The following SLC5A8 variants were observed in gnomAD, a reference collection of about 807,000 sequenced individuals.
The protein encoded by SLC5A8 is sodium-coupled monocarboxylate transporter 1.
In SLC5A8, 55 loss-of-function variants were observed where a neutral mutation model predicts 71.9. That is an observed-to-expected ratio of 0.77 (90% CI 0.62 to 0.96). The LOEUF (loss-of-function observed/expected upper bound fraction) is 0.96, where lower values mean the gene tolerates loss of function less well. Ranked by LOEUF, SLC5A8 falls within the 40% of genes least tolerant of loss-of-function variation. SLC5A8 has a pLI of 0.00. For synonymous variants in SLC5A8, 307 were observed against 276.1 expected (o/e 1.11, Z -1.11); for missense variants, 701 against 745.3 (o/e 0.94, Z 0.69).
intron 12 of SLC5A8, among the ~76,000 whole-genome samples, chr12:101,164,539 G>A (rs1468936144): frequency 6.6e-6 from 1 of 152,162 alleles, no homozygotes; most frequent in Admixed American, 6.6e-5. Flanking sequence ...TTGTGCTCCA[G>A]CCCTATGGAA....
intron 10 of SLC5A8, among the ~76,000 whole-genome samples, chr12:101,174,406 G>A (rs1025133513): frequency 6.6e-6 from 1 of 152,160 alleles, no homozygotes; most frequent in African/African-American, 2.4e-5. Flanking sequence ...TACAGTCAGG[G>A]GGTCAGATCA....
intron 10 of SLC5A8, 111 bp downstream of exon 10, chr12:101,179,918 G>T (rs567266981): frequency 1.8e-6 from 2 of 1,087,416 alleles, no homozygotes; most frequent in East Asian, 2.4e-5. Flanking sequence ...CCTGCCACTT[G>T]ATATGTCCAG....
intron 1 of SLC5A8, among the ~76,000 whole-genome samples, chr12:101,208,915 T>A (rs1869790004): frequency 6.6e-6 from 1 of 152,136 alleles, no homozygotes; most frequent in African/African-American, 2.4e-5. Flanking sequence ...GTTGGGTAAG[T>A]CACCCAAGGT....
intron 2 of SLC5A8, 50 bp from the exon 3 acceptor site, chr12:101,202,265 T>A: frequency 6.9e-7 from 1 of 1,445,286 alleles, no homozygotes; most frequent in Middle Eastern, 1.8e-4. Flanking sequence ...ATAAAATTCA[T>A]GAATTACGTC....
intron 8 of SLC5A8, 118 bp from the exon 9 acceptor site, chr12:101,183,033 T>C (rs1410094914): frequency 1.7e-5 from 6 of 362,646 alleles, no homozygotes; most frequent in African/African-American, 9.7e-5. Context: ...ATTTCTACTA[T>C]GCTTTTTTTT....
chr12:101,195,025 C>T lies in SLC5A8; in HGVS notation c.537+70G>A, dbSNP rs535158046. The T allele has an allele frequency of 2.4e-5, 36 of 1,507,824 alleles. 2 individuals are homozygous for T. The African/African-American group carries it at 4.5e-4, about 19-fold the overall frequency. 93.4% of individuals were successfully genotyped at this position (1,507,824 alleles called of 1,614,324 possible). On this transcript the variant is annotated intron_variant, in intron 4 of 14. Coordinates refer to ENST00000536262, the MANE Select transcript of SLC5A8 (RefSeq NM_145913.5). ...TGTGGACAAACAAGATTGCGGTATA[C>T]AACAACTGGAATTTTCAATTTTGCA... is the stretch of plus-strand genomic sequence containing the variant.
rs759511677 is a variant in SLC5A8, at chr12:101,193,785, A to G, written c.538-6T>C. Reference sequence around the variant, plus strand: ...ATAACTGCTTTAAGACCACCCTTTGAGGGGAAAGTATATTAGGATTAATGC... The same window carrying G: ...ATAACTGCTTTAAGACCACCCTTTGGGGGGAAAGTATATTAGGATTAATGC... On this transcript the variant is annotated splice_polypyrimidine_tract_variant and splice_region_variant and intron_variant, in intron 4 of 14. Transcript: ENST00000536262. 5 of 1,613,726 alleles carry G rather than the reference A, an allele frequency of 3.1e-6. No individual in the cohort carries two copies. In the Admixed American group the frequency reaches 8.3e-5, roughly 27 times the overall value.
intron 13 of SLC5A8, among the ~76,000 whole-genome samples, chr12:101,160,186 G>GCAA (rs368398941): frequency 9.9e-5 from 15 of 151,824 alleles, no homozygotes; most frequent in Non-Finnish European, 1.8e-4. Context: ...CATCTCAACA[G>GCAA]CAACAACAAC....
At chr12:101,163,031 T>C (rs758379614) in intron 12 of SLC5A8, among the ~76,000 whole-genome samples, 13 of 152,036 alleles carry the variant, frequency 8.6e-5, no homozygotes, top group Non-Finnish European at 1.8e-4. Context: ...ATAAATGACA[T>C]TTGAACTGAG....
At position 101,183,766 on chromosome 12, in the gene SLC5A8, A is replaced by G. The variant is rs371119464; in HGVS notation, c.1052+368T>C. ...ATTCAACATGTAAATGGAAGATTTC[A>G]TTCTAATTTTCCAGTTGACCACGCT... On this transcript the variant is annotated intron_variant, in intron 8 of 14. Transcript: ENST00000536262. 7.2e-5 allele frequency among the ~76,000 whole-genome samples: 11 copies of G among 152,302 alleles called. No homozygotes were observed. In the East Asian group the frequency reaches 1.5e-3, roughly 21 times the overall value.
At chr12:101,176,892 C>G (rs751643581) in intron 10 of SLC5A8, among the ~76,000 whole-genome samples, 3 of 151,568 alleles carry the variant, frequency 2.0e-5, no homozygotes, top group Non-Finnish European at 4.4e-5. Context: ...AATTAAAACT[C>G]AAAGCAAGGA....
At position 101,210,087 on chromosome 12, in the gene SLC5A8, A is replaced by G. The variant is rs1869868506; in HGVS notation, c.-239T>C. 2.1e-6 allele frequency: 1 copy of G among 469,636 alleles called. No homozygotes were observed. Among genetic ancestry groups the G allele is most frequent in the East Asian group, 3.5e-5 (1 of 28,724 alleles). 29.1% of individuals were successfully genotyped at this position (469,636 alleles called of 1,614,324 possible). A position where few individuals can be genotyped will look rare whatever the true frequency, so the allele number is the denominator to read the frequency against. ...CTCAAACCCAGGTATGGGACCTCGGAAAATCGACCCGCTGCCCTGAGTGCT... is the reference window on the plus strand; with the variant it reads ...CTCAAACCCAGGTATGGGACCTCGGGAAATCGACCCGCTGCCCTGAGTGCT... On this transcript the variant is annotated 5_prime_UTR_variant, in exon 1 of 15. Coordinates refer to ENST00000536262, the MANE Select transcript of SLC5A8 (RefSeq NM_145913.5).
Position 101,172,595 on chromosome 12 carries a change from C to T in SLC5A8, c.1234-4413G>A, listed in dbSNP as rs142785525. On this transcript the variant is annotated intron_variant, in intron 10 of 14. Coordinates refer to ENST00000536262, the MANE Select transcript of SLC5A8 (RefSeq NM_145913.5). ...GCAGAGCCCAGTGTGAGACCTCTGG[C>T]TGCAAGGTCCTGTGTGGTGGGTAGG... Among the ~76,000 whole-genome samples, 41 of 152,186 alleles carry T rather than the reference C, an allele frequency of 2.7e-4. No individual in the cohort carries two copies. The East Asian group carries it at 7.8e-3, about 29-fold the overall frequency.
At chr12:101,193,932 T>C (rs144072437) in intron 4 of SLC5A8, among the ~76,000 whole-genome samples, 153 bp from the exon 5 acceptor site, 1 of 152,282 alleles carries the variant, frequency 6.6e-6, no homozygotes, top group Non-Finnish European at 1.5e-5. Context: ...AGAATCTTCA[T>C]ACAGAAGGAT....
chr12:101,178,264 T>C (rs2051899311), intron 10 of SLC5A8, among the ~76,000 whole-genome samples: 1 of 152,136 alleles, frequency 6.6e-6, no homozygotes, highest in African/African-American at 2.4e-5. Flanking sequence ...CTATCAATAT[T>C]TAAGCAAGAT....
chr12:101,209,774 C>T lies in SLC5A8; in HGVS notation c.75G>A (p.Ser25=), dbSNP rs143245688. 70 of 1,609,984 alleles carry T rather than the reference C, an allele frequency of 4.3e-5. No homozygotes were observed. Among genetic ancestry groups the T allele is most frequent in the Non-Finnish European group, 5.7e-5 (67 of 1,178,146 alleles). The change falls in exon 1 of 15, where the codon TCG becomes TCA. Residue 25 remains serine (S), a synonymous_variant. Transcript: ENST00000536262. ...YVVFAGMLVI[S]AAIGIYYAFA... ...AGGCGTAGTAGATGCCGATGGCGGCCGAGATGACCAGCATGCCCGCGAACA... is the reference window on the plus strand; with the variant it reads ...AGGCGTAGTAGATGCCGATGGCGGCTGAGATGACCAGCATGCCCGCGAACA...
intron 3 of SLC5A8, 31 bp from the exon 4 acceptor site, chr12:101,195,193 T>G: frequency 6.3e-7 from 1 of 1,598,804 alleles, no homozygotes; most frequent in African/African-American, 1.3e-5. Context: ...CATATATAAT[T>G]GTGAAATATG....
In SLC5A8 at chr12:101,179,959, G is replaced by A. The variant is rs566497853; in HGVS notation, c.1233+70C>T. On this transcript the variant is annotated intron_variant, in intron 10 of 14. Coordinates refer to ENST00000536262, the MANE Select transcript of SLC5A8 (RefSeq NM_145913.5). ...GATATATATCGAGAGAAGTCTGGAA[G>A]GATGGTCACATCAACATTGAAAAAA... The A allele has an allele frequency of 7.4e-5, 112 of 1,515,246 alleles. No homozygotes were observed. The African/African-American group carries it at 1.5e-3, about 20-fold the overall frequency. The allele number at this position is 1,515,246 out of a possible 1,614,324, so 93.9% of individuals were successfully genotyped here.
In SLC5A8 at chr12:101,156,565, G is replaced by A. The variant is rs1399766638; in HGVS notation, c.*714C>T. The A allele has an allele frequency of 2.6e-5, 4 of 152,164 alleles. No individual in the cohort carries two copies. The highest frequency in any genetic ancestry group is 2.6e-4 in the Admixed American group (4 of 15,256). 9.4% of individuals were successfully genotyped at this position (152,164 alleles called of 1,614,324 possible). A position where few individuals can be genotyped will look rare whatever the true frequency, so the allele number is the denominator to read the frequency against. ...AGTTGATAGGTCAGAAACTGGGCATGCAGATAAAAATTACAGTCTAAGAAA... is the reference window on the plus strand; with the variant it reads ...AGTTGATAGGTCAGAAACTGGGCATACAGATAAAAATTACAGTCTAAGAAA... On this transcript the variant is annotated 3_prime_UTR_variant, in exon 15 of 15. Coordinates refer to ENST00000536262, the MANE Select transcript of SLC5A8 (RefSeq NM_145913.5).
Sources: gnomAD v4.1 joint callset for allele counts (sites outside exome capture counted in the v4.1 genomes callset) on GRCh38, gnomAD v4.1.1 for gene constraint, MANE v1.5 for transcripts, NCBI Gene and HGNC (gene_info 2026-07-23, HGNC 2026-07-21) for gene names.